The following CDK14 variants were observed in gnomAD, a reference collection of about 807,000 sequenced individuals.
The protein encoded by CDK14 is cyclin-dependent kinase 14.
CDK14 carries 34 observed loss-of-function variants against 60.7 expected under a neutral mutation model. The ratio of observed to expected loss-of-function variants is 0.56; its 90% CI spans 0.43 to 0.75. CDK14 has a LOEUF of 0.75. Among genes scored for constraint, CDK14 ranks in the 30% least tolerant of loss-of-function variants. The pLI is 0.00. For missense variants in CDK14, 482 were observed against 564.1 expected, an observed-to-expected ratio of 0.85 and a Z score of 1.47; for synonymous variants, 197 against 203.7, an observed-to-expected ratio of 0.97 and a Z score of 0.28.
At chr7:91,034,164 A>T (rs1038187198) in intron 10 of CDK14, among the ~76,000 whole-genome samples, 2 of 152,042 alleles carry the variant, frequency 1.3e-5, no homozygotes, top group South Asian at 2.1e-4. Context: ...AACTTTTTTT[A>T]AAAAAATCTC....
intron 2 of CDK14, among the ~76,000 whole-genome samples, chr7:90,683,526 C>T (rs1386948001): frequency 1.3e-5 from 2 of 152,202 alleles, no homozygotes; most frequent in African/African-American, 4.8e-5. Flanking sequence ...CTGGGCTGGG[C>T]ACAGTGGCTC....
At chr7:91,062,700 T>G (rs1479463105) in intron 11 of CDK14, among the ~76,000 whole-genome samples, 1 of 152,150 alleles carries the variant, frequency 6.6e-6, no homozygotes, top group Non-Finnish European at 1.5e-5. Context: ...CTAGGGAAGG[T>G]AGACAGGGCA....
intron 5 of CDK14, among the ~76,000 whole-genome samples, chr7:90,795,877 A>G (rs1420064459): frequency 1.3e-5 from 2 of 152,180 alleles, no homozygotes; most frequent in African/African-American, 4.8e-5. Flanking sequence ...TCGTAGTGGT[A>G]TTGAAGGACC....
intron 5 of CDK14, among the ~76,000 whole-genome samples, chr7:90,816,268 A>ATC (rs558588474): frequency 1.8e-3 from 276 of 152,302 alleles, no homozygotes; most frequent in African/African-American, 6.5e-3. Flanking sequence ...TCCACTCCAC[A>ATC]TCAACCAACA....
At chr7:91,142,232 A>G (rs114282252) in intron 14 of CDK14, among the ~76,000 whole-genome samples, 188 of 152,288 alleles carry the variant, frequency 1.2e-3, no homozygotes, top group African/African-American at 4.4e-3. Context: ...TGTTGTTAGA[A>G]AAAGGAAGAT....
At position 90,747,779 on chromosome 7, in the gene CDK14, A is replaced by G; in HGVS notation, c.464+4A>G. The G allele has an allele frequency of 6.6e-7, 1 of 1,521,968 alleles. No individual in the cohort carries two copies. The highest frequency in any genetic ancestry group is 8.8e-7 in the Non-Finnish European group (1 of 1,132,586). The allele number at this position is 1,521,968 out of a possible 1,614,324, so 94.3% of individuals were successfully genotyped here. On this transcript the variant is annotated splice_donor_region_variant and intron_variant, in intron 4 of 14. Coordinates refer to ENST00000380050, the MANE Select transcript of CDK14 (RefSeq NM_001287135.2). ...CAGTATACAAAGGGAAAAGCAAGTAAGTTCATTATTTTTGGAATATTTCAC... is the reference window on the plus strand; with the variant it reads ...CAGTATACAAAGGGAAAAGCAAGTAGGTTCATTATTTTTGGAATATTTCAC...
At chr7:91,090,634 A>C (rs987411442) in intron 12 of CDK14, among the ~76,000 whole-genome samples, 2 of 152,110 alleles carry the variant, frequency 1.3e-5, no homozygotes, top group African/African-American at 2.4e-5. Context: ...CTCCTGCCCA[A>C]GTTTTTATTT....
At chr7:90,622,438 C>CA (rs1799791181) in intron 2 of CDK14, among the ~76,000 whole-genome samples, 1 of 152,190 alleles carries the variant, frequency 6.6e-6, no homozygotes, top group South Asian at 2.1e-4. Flanking sequence ...GAAAAACTGT[C>CA]AATCTAACGC....
At chr7:90,638,919 G>T (rs563848626) in intron 2 of CDK14, among the ~76,000 whole-genome samples, 1 of 151,632 alleles carries the variant, frequency 6.6e-6, no homozygotes, top group Admixed American at 6.6e-5. Flanking sequence ...CCAGTTGATC[G>T]CATCGGCTCC....
At chr7:90,986,779 A>G (rs1795382794) in intron 10 of CDK14, among the ~76,000 whole-genome samples, 1 of 151,996 alleles carries the variant, frequency 6.6e-6, no homozygotes, top group South Asian at 2.1e-4. Context: ...TATAATGATA[A>G]TAATAGTATA....
At chr7:90,609,037 A>ATTG (rs2116334385) in intron 2 of CDK14, among the ~76,000 whole-genome samples, 1 of 152,060 alleles carries the variant, frequency 6.6e-6, no homozygotes, top group South Asian at 2.1e-4. Flanking sequence ...TATTATTATT[A>ATTG]TTTTTTTGAG....
chr7:90,916,112 C>T (rs1793072026), intron 7 of CDK14, among the ~76,000 whole-genome samples: 2 of 151,788 alleles, frequency 1.3e-5, no homozygotes, highest in South Asian at 2.1e-4. Context: ...TTTATTTTTC[C>T]CTCTTTCCTT....
At chr7:91,136,843 A>T (rs1260959691) in intron 14 of CDK14, among the ~76,000 whole-genome samples, 1 of 152,210 alleles carries the variant, frequency 6.6e-6, no homozygotes, top group East Asian at 1.9e-4. Flanking sequence ...AAGGGTCTAA[A>T]AGACAAGAAA....
In CDK14 at chr7:90,726,760, C is replaced by T. The variant is rs1419357589; in HGVS notation, c.317C>T (p.Ser106Phe). 6.2e-7 allele frequency: 1 copy of T among 1,613,748 alleles called. No individual in the cohort carries two copies. The highest frequency in any genetic ancestry group is 8.5e-7 in the Non-Finnish European group (1 of 1,179,806). Reference protein sequence around the residue: ...ENNACINFKTSSTGKESPKVR... With the variant: ...ENNACINFKTFSTGKESPKVR... ...AATGCTTGCATTAACTTTAAGACCT[C>T]CTCCACTGGCAAAGAGTCACCTAAA... Residue 106 changes from serine (S) to phenylalanine (F), a missense_variant, in exon 3 of 15, where the codon TCC becomes TTC. By Grantham distance (155) the Ser-to-Phe change is radical. Transcript: ENST00000380050.
At chr7:90,780,752 A>G (rs1584885380) in intron 4 of CDK14, among the ~76,000 whole-genome samples, 1 of 152,026 alleles carries the variant, frequency 6.6e-6, no homozygotes, top group South Asian at 2.1e-4. Context: ...ATATGGCTCC[A>G]TAGTATTCCA....
intron 6 of CDK14, among the ~76,000 whole-genome samples, chr7:90,864,037 G>A (rs1364432826): frequency 2.0e-5 from 3 of 151,724 alleles, no homozygotes; most frequent in Admixed American, 6.6e-5. Flanking sequence ...CATTTATTTA[G>A]AATAGTTGTT....
intron 9 of CDK14, among the ~76,000 whole-genome samples, chr7:90,973,853 T>A (rs1392569733): frequency 6.6e-6 from 1 of 152,176 alleles, no homozygotes; most frequent in Non-Finnish European, 1.5e-5. Flanking sequence ...GATGAGGGTC[T>A]GTGTCCCACT....
intron 2 of CDK14, among the ~76,000 whole-genome samples, chr7:90,664,894 C>G (rs963857149): frequency 6.6e-6 from 1 of 152,044 alleles, no homozygotes. Context: ...ACATATGTAA[C>G]AAACCTGCAG....
At chr7:91,201,585 A>T (rs1294468391) in intron 14 of CDK14, among the ~76,000 whole-genome samples, 2 of 152,064 alleles carry the variant, frequency 1.3e-5, no homozygotes, top group African/African-American at 4.8e-5. Flanking sequence ...AGAGTGCATA[A>T]ATAGGCCAGT....
Sources: gnomAD v4.1 joint callset for allele counts (sites outside exome capture counted in the v4.1 genomes callset) on GRCh38, gnomAD v4.1.1 for gene constraint, MANE v1.5 for transcripts, NCBI Gene and HGNC (gene_info 2026-07-23, HGNC 2026-07-21) for gene names.